The following TENM3 variants were observed in gnomAD, a reference collection of about 807,000 sequenced individuals.
TENM3 encodes teneurin transmembrane protein 3, also known as teneurin-3.
TENM3 carries 63 observed loss-of-function variants against 255.1 expected under a neutral mutation model. The ratio of observed to expected loss-of-function variants is 0.25; its 90% CI spans 0.20 to 0.30. TENM3 has a LOEUF of 0.30. Ranked by LOEUF, TENM3 falls within the 10% of genes least tolerant of loss-of-function variation. The pLI, the probability that TENM3 is intolerant of heterozygous loss-of-function variation, is 1.00. For synonymous variants in TENM3, 1,306 were observed against 1,322.3 expected (o/e 0.99, Z 0.27); for missense variants, 2,929 against 3,461.1 (o/e 0.85, Z 3.86).
the TENM3 span, among the ~76,000 whole-genome samples, chr4:181,798,518 G>T: frequency 6.6e-6 from 1 of 151,968 alleles, no homozygotes. Context: ...TTAGGAAAAG[G>T]CCCCTGTGAG....
chr4:181,869,671 G>A, the TENM3 span, among the ~76,000 whole-genome samples: 1 of 152,092 alleles, frequency 6.6e-6, no homozygotes, highest in South Asian at 2.1e-4. Context: ...CCAAGACTTT[G>A]AGATTTAGAG....
intron 1 of TENM3, among the ~76,000 whole-genome samples, chr4:182,298,959 T>G (rs2150359032): frequency 1.9e-5 from 2 of 105,758 alleles, no homozygotes; most frequent in East Asian, 3.0e-4. Context: ...ATTCCAGGCT[T>G]GGGCAACAGA....
chr4:182,650,889 A>AATATATATAT (rs1157725899), intron 5 of TENM3, among the ~76,000 whole-genome samples: 4 of 29,768 alleles, frequency 1.3e-4, no homozygotes, highest in Admixed American at 3.6e-4. Flanking sequence ...AATAAAAAAA[A>AATATATATAT]ATATATATAT....
chr4:181,727,574 G>C, the TENM3 span, among the ~76,000 whole-genome samples: 1 of 152,140 alleles, frequency 6.6e-6, no homozygotes, highest in Non-Finnish European at 1.5e-5. Context: ...ATCTGTTGAA[G>C]AGCATACATT....
chr4:182,005,393 A>G, the TENM3 span, among the ~76,000 whole-genome samples: 1 of 151,924 alleles, frequency 6.6e-6, no homozygotes, highest in African/African-American at 2.4e-5. Context: ...GTGTGGTGTT[A>G]TTTCTGAGGT....
chr4:182,169,354 A>G (rs985999312), intron 1 of TENM3: 1 of 471,100 alleles, frequency 2.1e-6, no homozygotes, highest in African/African-American at 2.0e-5. Flanking sequence ...TTTCAACTCT[A>G]ATGGGAGAGA....
the TENM3 span, among the ~76,000 whole-genome samples, chr4:181,677,016 A>G: frequency 8.2e-6 from 1 of 121,942 alleles, no homozygotes; most frequent in Non-Finnish European, 1.7e-5. Context: ...CTCATTGACT[A>G]TTCCTGCTCA....
chr4:181,838,520 A>G, the TENM3 span, among the ~76,000 whole-genome samples: 4 of 152,322 alleles, frequency 2.6e-5, no homozygotes, highest in African/African-American at 9.6e-5. Flanking sequence ...ATTTAAATGT[A>G]TGGTAGACCA....
chr4:181,779,884 A>G, the TENM3 span, among the ~76,000 whole-genome samples: 9,422 of 152,062 alleles, frequency 0.062, 589 homozygotes, highest in African/African-American at 0.16. Flanking sequence ...GAGAACATGC[A>G]GTGTTTGGTT....
intron 1 of TENM3, among the ~76,000 whole-genome samples, chr4:182,219,727 A>T (rs1301946574): frequency 1.3e-5 from 2 of 152,210 alleles, no homozygotes; most frequent in Admixed American, 6.5e-5. Flanking sequence ...TTAAAATCCA[A>T]TTTTAAAATA....
the TENM3 span, among the ~76,000 whole-genome samples, chr4:181,639,837 C>T: frequency 2.7e-3 from 416 of 152,276 alleles, 1 homozygote; most frequent in African/African-American, 9.4e-3. Flanking sequence ...ACTTCTCGGC[C>T]AAGGAGATCC....
the TENM3 span, among the ~76,000 whole-genome samples, chr4:181,670,064 T>C: frequency 6.6e-6 from 1 of 152,206 alleles, no homozygotes; most frequent in Admixed American, 6.5e-5. Flanking sequence ...CAAAAGTATA[T>C]CTTAGCCAAG....
the TENM3 span, among the ~76,000 whole-genome samples, chr4:182,019,399 A>G: frequency 6.6e-6 from 1 of 152,144 alleles, no homozygotes; most frequent in Non-Finnish European, 1.5e-5. Context: ...GGAATTACTG[A>G]AATGCTGTGG....
chr4:181,728,969 G>A, the TENM3 span, among the ~76,000 whole-genome samples: 1 of 152,042 alleles, frequency 6.6e-6, no homozygotes, highest in Non-Finnish European at 1.5e-5. Context: ...TTTAACAAAT[G>A]AGAAGTTATT....
chr4:182,770,594 C>A (rs1049622422), intron 22 of TENM3, among the ~76,000 whole-genome samples: 3 of 152,224 alleles, frequency 2.0e-5, no homozygotes, highest in African/African-American at 7.2e-5. Context: ...ATATCTAGTT[C>A]TATTCCGGGA....
At chr4:182,369,491 G>C (rs1766653293) in intron 3 of TENM3, among the ~76,000 whole-genome samples, 1 of 152,200 alleles carries the variant, frequency 6.6e-6, no homozygotes, top group African/African-American at 2.4e-5. Flanking sequence ...GAGAAGGAAA[G>C]AGCTTTTTCA....
intron 7 of TENM3, among the ~76,000 whole-genome samples, chr4:182,678,353 T>C (rs1755821482): frequency 6.6e-6 from 1 of 152,252 alleles, no homozygotes; most frequent in African/African-American, 2.4e-5. Context: ...GATGACCCAT[T>C]CATAAGAATA....
chr4:182,259,894 A>G (rs1290052133), intron 1 of TENM3, among the ~76,000 whole-genome samples: 5 of 152,028 alleles, frequency 3.3e-5, no homozygotes, highest in East Asian at 1.9e-4. Flanking sequence ...CCCACTTATC[A>G]TCCTCTCTTC....
chr4:182,601,058 C>G lies in TENM3; in HGVS notation c.646C>G (p.Pro216Ala). 2 of 1,613,798 alleles carry G rather than the reference C, an allele frequency of 1.2e-6. No homozygotes were observed. The highest frequency in any genetic ancestry group is 1.7e-6 in the Non-Finnish European group (2 of 1,179,844). The stretch of plus-strand genomic sequence containing the variant: ...CCTGACCAATAGAAGGAACCAGAGT[C>G]CGGCCCCGCCGGCTGCTTTGCCCGC... ...NSLTNRRNQS[P>A]APPAALPAEL... Residue 216 changes from proline (P) to alanine (A), a missense_variant, in exon 4 of 28, where the codon CCG becomes GCG. Transcript: ENST00000511685.
Sources: allele counts gnomAD v4.1 joint callset (sites outside exome capture counted in the v4.1 genomes callset), GRCh38; gene constraint gnomAD v4.1.1; transcripts MANE v1.5; gene names NCBI Gene and HGNC (gene_info 2026-07-23, HGNC 2026-07-21).